APBB2: variants seen among roughly 807,000 people sequenced by gnomAD.
The protein encoded by APBB2 is amyloid beta precursor protein binding family B member 2.
Under a neutral mutation model 82.5 loss-of-function variants are expected in APBB2, and 38 were observed. That is an observed-to-expected ratio of 0.46 (90% confidence interval 0.36 to 0.60). The LOEUF is 0.60. APBB2 is among the 20% of genes least tolerant of loss of function. The probability of loss-of-function intolerance (pLI) is 0.00; values close to 1 mark genes in which losing one functional copy is unlikely to be tolerated. For missense variants in APBB2, 772 were observed against 972.3 expected (o/e 0.79, Z 2.74); for synonymous variants, 341 against 368.2 (o/e 0.93, Z 0.85).
chr4:40,828,132 T>C (rs896388513), intron 13 of APBB2, among the ~76,000 whole-genome samples: 1 of 152,220 alleles, frequency 6.6e-6, no homozygotes, highest in African/African-American at 2.4e-5. Context: ...TCTTTATAAA[T>C]TACCCAGTCT....
At chr4:41,177,602 AGAT>A (rs1226455413) in intron 1 of APBB2, 1 of 152,188 alleles carries the variant, frequency 6.6e-6, no homozygotes, top group Non-Finnish European at 1.5e-5. Flanking sequence ...TTTTATGAAG[AGAT>A]GATAATGCAG....
intron 1 of APBB2, among the ~76,000 whole-genome samples, chr4:41,186,899 C>A (rs1381237713): frequency 1.3e-5 from 2 of 152,166 alleles, no homozygotes; most frequent in Non-Finnish European, 2.9e-5. Flanking sequence ...ACTCCAAATC[C>A]ATGCATTTGA....
chr4:41,018,651 G>T (rs577371499), intron 5 of APBB2, among the ~76,000 whole-genome samples: 9 of 152,296 alleles, frequency 5.9e-5, no homozygotes, highest in Non-Finnish European at 1.3e-4. Context: ...CTCCGAGAAG[G>T]CGATGACTAT....
intron 6 of APBB2, among the ~76,000 whole-genome samples, chr4:41,011,075 T>C (rs1368161197): frequency 1.3e-5 from 2 of 151,992 alleles, no homozygotes; most frequent in Non-Finnish European, 2.9e-5. Context: ...TATATTAGTA[T>C]ATATCTCTAA....
In APBB2 at chr4:41,109,762, G is replaced by A. The variant is rs543894600; in HGVS notation, c.-260-9012C>T. Among the ~76,000 whole-genome samples the A allele has an allele frequency of 1.9e-4, 29 of 152,242 alleles. No individual in the cohort carries two copies. In the South Asian group the frequency reaches 4.4e-3, roughly 23 times the overall value. Reference sequence around the variant, plus strand: ...TGGGATTACAGCCGTGAGCCACTGCGCCTGGCCAAGAAAGCAATATGATTT... The same window carrying A: ...TGGGATTACAGCCGTGAGCCACTGCACCTGGCCAAGAAAGCAATATGATTT... On this transcript the variant is annotated intron_variant, in intron 2 of 17. Transcript: ENST00000508593.
At chr4:40,825,107 T>C (rs753271031) in intron 15 of APBB2, among the ~76,000 whole-genome samples, 1 of 152,242 alleles carries the variant, frequency 6.6e-6, no homozygotes, top group Non-Finnish European at 1.5e-5. Flanking sequence ...ATTTATCTAA[T>C]TGTCAGTTGA....
chr4:41,011,012 A>G (rs1808192556), intron 6 of APBB2, among the ~76,000 whole-genome samples: 1 of 152,104 alleles, frequency 6.6e-6, no homozygotes, highest in South Asian at 2.1e-4. Flanking sequence ...TGTTTCCATC[A>G]GTATGTGTTA....
intron 3 of APBB2, among the ~76,000 whole-genome samples, chr4:41,077,834 C>T (rs982573776): frequency 6.6e-6 from 1 of 152,166 alleles, no homozygotes; most frequent in African/African-American, 2.4e-5. Flanking sequence ...TCCAGGTCAA[C>T]AGCTGTGCAT....
At chr4:41,103,719 G>T (rs1289041530) in intron 2 of APBB2, among the ~76,000 whole-genome samples, 2 of 152,030 alleles carry the variant, frequency 1.3e-5, no homozygotes, top group African/African-American at 4.8e-5. Context: ...TTTATATTTT[G>T]CATTAGTGGG....
intron 12 of APBB2, among the ~76,000 whole-genome samples, chr4:40,853,850 C>T (rs907691980): frequency 2.0e-5 from 3 of 152,206 alleles, no homozygotes; most frequent in African/African-American, 2.4e-5. Context: ...CAGGCTGCCT[C>T]CTGATGGCCC....
intron 1 of APBB2, among the ~76,000 whole-genome samples, chr4:41,206,940 G>A (rs1040585390): frequency 1.3e-5 from 2 of 152,130 alleles, no homozygotes; most frequent in African/African-American, 4.8e-5. Context: ...ACCCATACCT[G>A]TAATCCCAGC....
chr4:40,870,268 T>C (rs1351776160), intron 12 of APBB2, among the ~76,000 whole-genome samples: 1 of 152,154 alleles, frequency 6.6e-6, no homozygotes, highest in Non-Finnish European at 1.5e-5. Flanking sequence ...CCAGTGCAGA[T>C]GAGGGAGGGC....
chr4:40,958,638 C>T (rs1398236818), intron 6 of APBB2, among the ~76,000 whole-genome samples: 1 of 152,126 alleles, frequency 6.6e-6, no homozygotes, highest in African/African-American at 2.4e-5. Context: ...CAGGGCCTTG[C>T]TTTGTCACCC....
chr4:40,823,621 T>C, intron 16 of APBB2, 23 bp downstream of exon 16: 1 of 1,517,854 alleles, frequency 6.6e-7, no homozygotes, highest in Non-Finnish European at 9.1e-7. Context: ...GACACACCAA[T>C]GTCATCGAAG....
chr4:41,070,532 C>A (rs1012432208), intron 3 of APBB2, among the ~76,000 whole-genome samples: 7 of 152,114 alleles, frequency 4.6e-5, no homozygotes, highest in Non-Finnish European at 8.8e-5. Context: ...GAGCTCCTGA[C>A]CTCAAGCGAT....
intron 2 of APBB2, among the ~76,000 whole-genome samples, chr4:41,115,270 AT>A (rs1346721713): frequency 3.3e-4 from 50 of 152,364 alleles, no homozygotes; most frequent in African/African-American, 1.2e-3. Flanking sequence ...GGCTAGCCAT[AT>A]GCAGAAAACT....
At chr4:40,846,875 A>G (rs1014093167) in intron 12 of APBB2, among the ~76,000 whole-genome samples, 3 of 152,212 alleles carry the variant, frequency 2.0e-5, no homozygotes, top group Non-Finnish European at 4.4e-5. Flanking sequence ...TTAAAAGTCC[A>G]TCTTTGAAGA....
chr4:40,846,311 C>T (rs899168789), intron 12 of APBB2, among the ~76,000 whole-genome samples: 2 of 110,592 alleles, frequency 1.8e-5, no homozygotes, highest in South Asian at 2.8e-4. Flanking sequence ...TCAAGGCCCT[C>T]GGATGAAAAC....
intron 16 of APBB2, 93 bp downstream of exon 16, chr4:40,823,551 G>C: frequency 1.1e-6 from 1 of 877,820 alleles, no homozygotes; most frequent in Non-Finnish European, 1.9e-6. Flanking sequence ...GCACAACTCC[G>C]GCCTTGACTA....
Sources: allele counts gnomAD v4.1 joint callset (sites outside exome capture counted in the v4.1 genomes callset), GRCh38; gene constraint gnomAD v4.1.1; transcripts MANE v1.5; gene names NCBI Gene and HGNC (gene_info 2026-07-23, HGNC 2026-07-21).